Variants in ATP2A1 observed in about 807,000 individuals in gnomAD.
ATP2A1 encodes the protein sarcoplasmic/endoplasmic reticulum calcium ATPase 1.
Under a neutral mutation model 109.5 loss-of-function variants are expected in ATP2A1, and 83 were observed. That is an observed-to-expected ratio of 0.76 (90% CI 0.63 to 0.91). The LOEUF (loss-of-function observed/expected upper bound fraction) is 0.91, where lower values mean the gene tolerates loss of function less well. ATP2A1 is among the 40% of genes least tolerant of loss of function. ATP2A1 has a pLI of 0.00. For missense variants in ATP2A1, 1,101 were observed against 1,341.0 expected (o/e 0.82, Z 2.80); for synonymous variants, 505 against 537.6 (o/e 0.94, Z 0.84).
chr16:28,892,054 T>C (rs1393037112), intron 9 of ATP2A1, among the ~76,000 whole-genome samples: 2 of 151,942 alleles, frequency 1.3e-5, no homozygotes, highest in African/African-American at 2.4e-5. Flanking sequence ...AATTAGGGAG[T>C]TCTCGCAGTG....
chr16:28,903,249 G>C lies in ATP2A1; in HGVS notation c.2863-74G>C. 1 of 1,572,412 alleles carries C rather than the reference G, an allele frequency of 6.4e-7. No individual in the cohort carries two copies. Among genetic ancestry groups the C allele is most frequent in the Non-Finnish European group, 8.7e-7 (1 of 1,143,010 alleles). Reference sequence around the variant, plus strand: ...GGGCGCCGATGTGGGAGGCTGGTGGGAGTGGGCTGGGCAGTGCTGGTCTCT... The same window carrying C: ...GGGCGCCGATGTGGGAGGCTGGTGGCAGTGGGCTGGGCAGTGCTGGTCTCT... On this transcript the variant is annotated intron_variant, in intron 20 of 22. Coordinates refer to ENST00000395503, the MANE Select transcript of ATP2A1 (RefSeq NM_004320.6). This position sits in a 1 kb window ranked among gnomAD's most constrained non-coding sequence, Gnocchi z 5.6.
In ATP2A1 at chr16:28,887,239, G is replaced by A; in HGVS notation, c.595G>A (p.Ala199Thr). Residue 199 changes from alanine (A) to threonine (T), a missense_variant, in exon 7 of 23, where the codon GCT (alanine) becomes ACT (threonine). Transcript: ENST00000395503. ...KHTEPVPDPR[A>T]VNQDKKNMLF... is the part of the protein sequence containing the mutation. ...CACGGAGCCCGTTCCTGACCCCCGA[G>A]CTGTCAACCAGGACAAGAAGAACAT... The A allele has an allele frequency of 6.2e-7, 1 of 1,614,056 alleles. No individual in the cohort carries two copies. The highest frequency in any genetic ancestry group is 8.5e-7 in the Non-Finnish European group (1 of 1,180,018).
chr16:28,880,516 G>C lies in ATP2A1; in HGVS notation c.220-399G>C, dbSNP rs111474647. Among the ~76,000 whole-genome samples, 1 of 152,242 alleles carries C rather than the reference G, an allele frequency of 6.6e-6. No individual in the cohort carries two copies. The highest frequency in any genetic ancestry group is 1.5e-5 in the Non-Finnish European group (1 of 68,052). ...ACCGGAGCTTCCCTGCCTTGGCCGA[G>C]GGGGAGGGCTGCGGGGGCCAGACCG... is the stretch of plus-strand genomic sequence containing the variant. On this transcript the variant is annotated intron_variant, in intron 3 of 22. Coordinates refer to ENST00000395503, the MANE Select transcript of ATP2A1 (RefSeq NM_004320.6). The surrounding 1 kb of genome is among the most constrained non-coding windows in gnomAD (Gnocchi z 4.2).
intron 5 of ATP2A1, 37 bp downstream of exon 5, chr16:28,882,626 C>G (rs760333974): frequency 6.2e-7 from 1 of 1,612,194 alleles, no homozygotes; most frequent in Admixed American, 1.7e-5. Flanking sequence ...GATGGGAGGC[C>G]TTGGGGCTGA....
intron 4 of ATP2A1, 80 bp downstream of exon 4, chr16:28,881,099 C>T: frequency 7.4e-7 from 1 of 1,344,934 alleles, no homozygotes. Context: ...TCCTCCTCCT[C>T]CATCACCTCC....
chr16:28,892,432 G>C, intron 9 of ATP2A1: 1 of 287,156 alleles, frequency 3.5e-6, no homozygotes, highest in Non-Finnish European at 7.2e-6. Flanking sequence ...TCAGATCAGG[G>C]TGAGAAAGGC....
At position 28,902,829 on chromosome 16, in the gene ATP2A1, T is replaced by C; in HGVS notation, c.2662T>C (p.Cys888Arg). Residue 888 changes from cysteine to arginine, a missense_variant, in exon 19 of 23, where the codon TGT (cysteine) becomes CGT (arginine). By Grantham distance (180) the Cys-to-Arg change is radical. Coordinates refer to ENST00000395503, the MANE Select transcript of ATP2A1 (RefSeq NM_004320.6). This position sits in a 1 kb window ranked among gnomAD's most constrained non-coding sequence, Gnocchi z 4.8. ...CAACACCCACTTTGAGGGCATAGAC[T>C]GTGAGGTCTTCGAGGCCCCCGAGCC... ...EDNTHFEGIDCEVFEAPEPMT... is the reference protein window; with the variant it reads ...EDNTHFEGIDREVFEAPEPMT... 1 of 1,613,918 alleles carries C rather than the reference T, an allele frequency of 6.2e-7. No homozygotes were observed. Among genetic ancestry groups the C allele is most frequent in the Non-Finnish European group, 8.5e-7 (1 of 1,179,912 alleles).
At chr16:28,889,693 A>G (rs1236708660) in intron 9 of ATP2A1, among the ~76,000 whole-genome samples, 1 of 152,180 alleles carries the variant, frequency 6.6e-6, no homozygotes, top group Non-Finnish European at 1.5e-5. Context: ...TGTGAAGTAG[A>G]TGGCTCTCCA....
Position 28,894,602 on chromosome 16 carries a change from A to G in ATP2A1, c.1282A>G (p.Asn428Asp). The change falls in exon 11 of 23, where the codon AAC (asparagine) becomes GAC (aspartate). Residue 428 changes from asparagine (N) to aspartate (D), a missense_variant. Transcript: ENST00000395503. ...ALCNDSSLDF[N>D]EAKGVYEKVG... ...CTGCAATGACTCCTCCTTGGACTTC[A>G]ACGAGGTAACCTCTCCTTCCCCTTC... is the stretch of plus-strand genomic sequence containing the variant. The G allele has an allele frequency of 1.2e-6, 2 of 1,614,014 alleles. No individual in the cohort carries two copies. The highest frequency in any genetic ancestry group is 1.7e-6 in the Non-Finnish European group (2 of 1,179,982).
In ATP2A1 at chr16:28,898,484, G is replaced by A; in HGVS notation, c.1764+33G>A. Reference sequence around the variant, plus strand: ...GCTGGGAGCCTCCCACTGTCGTGGAGCTGGTGAAGGGCCGGGTCCCAGCCA... The same window carrying A: ...GCTGGGAGCCTCCCACTGTCGTGGAACTGGTGAAGGGCCGGGTCCCAGCCA... On this transcript the variant is annotated intron_variant, in intron 14 of 22. Coordinates refer to ENST00000395503, the MANE Select transcript of ATP2A1 (RefSeq NM_004320.6). This position sits in a 1 kb window ranked among gnomAD's most constrained non-coding sequence, Gnocchi z 4.0. 1 of 1,598,158 alleles carries A rather than the reference G, an allele frequency of 6.3e-7. No individual in the cohort carries two copies.
rs546926868 is a variant in ATP2A1, at chr16:28,883,404, C to G, written c.463+815C>G. Among the ~76,000 whole-genome samples, 1 of 152,290 alleles carries G rather than the reference C, an allele frequency of 6.6e-6. No individual in the cohort carries two copies. The highest frequency in any genetic ancestry group is 1.5e-5 in the Non-Finnish European group (1 of 68,022). On this transcript the variant is annotated intron_variant, in intron 5 of 22. Coordinates refer to ENST00000395503, the MANE Select transcript of ATP2A1 (RefSeq NM_004320.6). The surrounding 1 kb of genome is among the most constrained non-coding windows in gnomAD (Gnocchi z 5.2). ...CGCCGTGACAGCATGGAGTCAGCGC[C>G]ATGAATGTCTATAAATATCACGCGG...
At chr16:28,887,296 A>G (rs183382769) in intron 7 of ATP2A1, 22 bp downstream of exon 7, 123 of 1,613,884 alleles carry the variant, frequency 7.6e-5, no homozygotes, top group Admixed American at 1.2e-4. Flanking sequence ...GGGACCAGCC[A>G]TCACACACTC....
In ATP2A1 at chr16:28,883,825, G is replaced by A. The variant is rs1012629888; in HGVS notation, c.464-750G>A. On this transcript the variant is annotated intron_variant, in intron 5 of 22. Transcript: ENST00000395503. This position sits in a 1 kb window ranked among gnomAD's most constrained non-coding sequence, Gnocchi z 5.2. ...TCCCATCCCATCCTGTCTTGTCCAT[G>A]TCCCCAGCTCACTCTCCCTGGCTCC... 6.6e-6 allele frequency among the ~76,000 whole-genome samples: 1 copy of A among 151,764 alleles called. No homozygotes were observed. Among genetic ancestry groups the A allele is most frequent in the African/African-American group, 2.4e-5 (1 of 41,274 alleles).
chr16:28,887,411 C>G lies in ATP2A1; in HGVS notation c.631-14C>G. The G allele has an allele frequency of 6.2e-7, 1 of 1,614,080 alleles. No homozygotes were observed. The highest frequency in any genetic ancestry group is 8.5e-7 in the Non-Finnish European group (1 of 1,180,022). ...CCTCTTGCCTGATTCCCTGCCTCCTCTTTCCCTTCCCAGGGCACCAACATT... is the reference window on the plus strand; with the variant it reads ...CCTCTTGCCTGATTCCCTGCCTCCTGTTTCCCTTCCCAGGGCACCAACATT... On this transcript the variant is annotated splice_polypyrimidine_tract_variant and intron_variant, in intron 7 of 22. Transcript: ENST00000395503.
In ATP2A1 at chr16:28,879,540, ACCT is replaced by A. The variant is rs1963391249; in HGVS notation, c.180_182del (p.Leu61del). On this transcript the variant is annotated inframe_deletion, in exon 3 of 23. Coordinates refer to ENST00000395503, the MANE Select transcript of ATP2A1 (RefSeq NM_004320.6). The stretch of plus-strand genomic sequence containing the variant: ...GAGCTGGTGATAGAGCAGTTTGAAG[ACCT>A]CCTGGTGCGGATTCTCCTCCTGGCC... 6.2e-7 allele frequency: 1 copy of A among 1,613,462 alleles called. No homozygotes were observed. Among genetic ancestry groups the A allele is most frequent in the South Asian group, 1.1e-5 (1 of 91,040 alleles).
At chr16:28,879,917 G>C in intron 3 of ATP2A1, 1 of 835,670 alleles carries the variant, frequency 1.2e-6, no homozygotes, top group African/African-American at 1.9e-5. Flanking sequence ...GGCGCGGGGG[G>C]CCACTGCCAC....
chr16:28,879,683 A>G, intron 3 of ATP2A1, 100 bp downstream of exon 3: 2 of 1,357,256 alleles, frequency 1.5e-6, no homozygotes, highest in Non-Finnish European at 2.1e-6. Flanking sequence ...CCGAGTCCCG[A>G]GCATCCCATT....
In ATP2A1 at chr16:28,878,556, G is replaced by A; in HGVS notation, c.-116G>A. On this transcript the variant is annotated 5_prime_UTR_variant, in exon 1 of 23. Transcript: ENST00000395503. ...GAAGAAAAACCTGGAGGGGGCAGGA[G>A]AGTAAAAAGAAGAAACCCAGGCAGA... 1 of 887,084 alleles carries A rather than the reference G, an allele frequency of 1.1e-6. No individual in the cohort carries two copies. The highest frequency in any genetic ancestry group is 1.4e-5 in the South Asian group (1 of 70,512). 55.0% of individuals were successfully genotyped at this position (887,084 alleles called of 1,614,324 possible). A position where few individuals can be genotyped will look rare whatever the true frequency, so the allele number is the denominator to read the frequency against.
In ATP2A1 at chr16:28,878,664, G is replaced by T. The variant is rs1327092105; in HGVS notation, c.-8G>T. 7.5e-6 allele frequency: 12 copies of T among 1,591,444 alleles called. No individual in the cohort carries two copies. In the East Asian group the frequency reaches 2.7e-4, roughly 36 times the overall value. On this transcript the variant is annotated 5_prime_UTR_variant, in exon 1 of 23. Transcript: ENST00000395503. ...CACACCGGCCCCGGCCCCCAGGAAG[G>T]GAGCACAATGGAGGCCGCTCATGCT...
Sources: allele counts gnomAD v4.1 joint callset (sites outside exome capture counted in the v4.1 genomes callset), GRCh38; gene constraint gnomAD v4.1.1; non-coding constraint Gnocchi (gnomAD v3.1); transcripts MANE v1.5; gene names NCBI Gene and HGNC (gene_info 2026-07-23, HGNC 2026-07-21).